Variants in CSMD2 observed in about 807,000 individuals in gnomAD.
CSMD2 encodes the protein CUB and sushi domain-containing protein 2.
CSMD2 carries 130 observed loss-of-function variants against 398.5 expected under a neutral mutation model. The ratio of observed to expected loss-of-function variants is 0.33; its 90% CI spans 0.28 to 0.38. CSMD2 has a LOEUF of 0.38. Ranked by LOEUF, CSMD2 falls within the 10% of genes least tolerant of loss-of-function variation. The pLI, the probability that CSMD2 is intolerant of heterozygous loss-of-function variation, is 1.00. For missense variants in CSMD2, 3,829 were observed against 4,764.9 expected, an observed-to-expected ratio of 0.80 and a Z score of 5.78; for synonymous variants, 1,828 against 1,908.5, an observed-to-expected ratio of 0.96 and a Z score of 1.10.
Position 34,089,021 on chromosome 1 carries a change from C to G in CSMD2, c.360G>C (p.Leu120=). Residue 120 remains leucine, a synonymous_variant, in exon 2 of 71, where the codon CTG becomes CTC. Coordinates refer to ENST00000373381, the MANE Select transcript of CSMD2 (RefSeq NM_001281956.2). ...GCTGGGGTGGACCATCAAACACCGACAGGACATCAAAGTCCTCTTCCAGGG... is the reference window on the plus strand; with the variant it reads ...GCTGGGGTGGACCATCAAACACCGAGAGGACATCAAAGTCCTCTTCCAGGG... ...SFALEEDFDV[L]SVFDGPPQPE... The G allele has an allele frequency of 1.2e-6, 2 of 1,614,160 alleles. No individual in the cohort carries two copies. Among genetic ancestry groups the G allele is most frequent in the Non-Finnish European group, 1.7e-6 (2 of 1,180,040 alleles).
intron 15 of CSMD2, among the ~76,000 whole-genome samples, chr1:33,733,955 G>C (rs1452763933): frequency 6.6e-6 from 1 of 152,194 alleles, no homozygotes; most frequent in Admixed American, 6.5e-5. Flanking sequence ...TACCAGCTGG[G>C]TGATTTTGGG....
chr1:34,160,829 GACA>G (rs1641262153), intron 1 of CSMD2, among the ~76,000 whole-genome samples: 1 of 152,160 alleles, frequency 6.6e-6, no homozygotes, highest in Non-Finnish European at 1.5e-5. Context: ...CAAGCACTCA[GACA>G]ACATACAAAG....
chr1:33,791,880 T>C (rs543762199), intron 11 of CSMD2, among the ~76,000 whole-genome samples: 1 of 152,326 alleles, frequency 6.6e-6, no homozygotes, highest in African/African-American at 2.4e-5. Flanking sequence ...CAGAATCCCA[T>C]GACAGCTTGA....
At chr1:33,554,021 C>T (rs1217424190) in intron 55 of CSMD2, among the ~76,000 whole-genome samples, 1 of 151,864 alleles carries the variant, frequency 6.6e-6, no homozygotes, top group Non-Finnish European at 1.5e-5. Flanking sequence ...CAGAGGTTGG[C>T]TTATGACGTT....
intron 25 of CSMD2, among the ~76,000 whole-genome samples, chr1:33,677,339 A>T (rs1644751791): frequency 6.6e-6 from 1 of 152,246 alleles, no homozygotes; most frequent in South Asian, 2.1e-4. Flanking sequence ...ACATTTATGC[A>T]GTCAAAAAAC....
chr1:34,119,902 A>T (rs143754276), intron 1 of CSMD2, among the ~76,000 whole-genome samples: 224 of 152,362 alleles, frequency 1.5e-3, no homozygotes, highest in Admixed American at 4.0e-3. Context: ...ATCTGATTCA[A>T]CAACCTATTT....
At chr1:34,039,751 T>A (rs1651615190) in intron 2 of CSMD2, among the ~76,000 whole-genome samples, 1 of 152,176 alleles carries the variant, frequency 6.6e-6, no homozygotes, top group Non-Finnish European at 1.5e-5. Flanking sequence ...TTGCCTAGTT[T>A]GAATAATTTC....
At chr1:34,137,763 A>G (rs1437219865) in intron 1 of CSMD2, among the ~76,000 whole-genome samples, 2 of 152,354 alleles carry the variant, frequency 1.3e-5, no homozygotes, top group East Asian at 3.9e-4. Context: ...CTAATACAAG[A>G]CAGGGACTTG....
chr1:33,935,162 G>A (rs1379209473), intron 4 of CSMD2, among the ~76,000 whole-genome samples: 10 of 152,106 alleles, frequency 6.6e-5, no homozygotes, highest in Admixed American at 6.5e-4. Context: ...TCCAGGATGC[G>A]GAACTTTCAG....
intron 5 of CSMD2, among the ~76,000 whole-genome samples, chr1:33,851,363 T>G (rs939887045): frequency 2.0e-5 from 3 of 152,208 alleles, no homozygotes; most frequent in Non-Finnish European, 4.4e-5. Flanking sequence ...AAGTAAGCTA[T>G]GTGCATGGCC....
chr1:33,632,080 T>C (rs958294380), intron 32 of CSMD2, among the ~76,000 whole-genome samples: 2 of 152,074 alleles, frequency 1.3e-5, no homozygotes, highest in Non-Finnish European at 2.9e-5. Context: ...ATTTTGAAAA[T>C]TCTGCTAGGA....
At position 33,843,474 on chromosome 1, in the gene CSMD2, A is replaced by G. The variant is rs6680460; in HGVS notation, c.1033+3410T>C. On this transcript the variant is annotated intron_variant, in intron 6 of 70. Coordinates refer to ENST00000373381, the MANE Select transcript of CSMD2 (RefSeq NM_001281956.2). ...TAGAAGTTGGTAATCATTAGCTCTG[A>G]AGTGCCATAAATCACTTAAGACTAT... is the stretch of plus-strand genomic sequence containing the variant. Among the ~76,000 whole-genome samples, 354 of 152,340 alleles carry G rather than the reference A, an allele frequency of 2.3e-3. 3 individuals are homozygous for G. Among genetic ancestry groups the G allele is most frequent in the African/African-American group, 7.8e-3 (324 of 41,584 alleles).
intron 27 of CSMD2, among the ~76,000 whole-genome samples, chr1:33,654,829 G>T (rs1643900257): frequency 6.6e-6 from 1 of 152,206 alleles, no homozygotes; most frequent in African/African-American, 2.4e-5. Context: ...CCAGCTCAGG[G>T]GCTTCTTCCC....
At chr1:34,017,056 T>C (rs771955462) in intron 3 of CSMD2, among the ~76,000 whole-genome samples, 7 of 152,228 alleles carry the variant, frequency 4.6e-5, no homozygotes, top group Non-Finnish European at 8.8e-5. Flanking sequence ...CAATAGAATG[T>C]CAACTTTGAT....
intron 26 of CSMD2, among the ~76,000 whole-genome samples, chr1:33,662,138 G>C (rs1644157585): frequency 6.6e-6 from 1 of 152,166 alleles, no homozygotes; most frequent in Non-Finnish European, 1.5e-5. Flanking sequence ...TTGGATGTTT[G>C]AGCATTGGCC....
chr1:33,729,530 G>T (rs1289626377), intron 15 of CSMD2, among the ~76,000 whole-genome samples: 1 of 147,056 alleles, frequency 6.8e-6, no homozygotes, highest in East Asian at 2.0e-4. Flanking sequence ...TGCACAATGT[G>T]CAGGTTAGTT....
intron 27 of CSMD2, among the ~76,000 whole-genome samples, chr1:33,655,018 C>T (rs1643905459): frequency 6.6e-6 from 1 of 152,274 alleles, no homozygotes; most frequent in Non-Finnish European, 1.5e-5. Context: ...GCCAGTTGTG[C>T]CCCAAGGCCT....
At position 33,550,170 on chromosome 1, in the gene CSMD2, A is replaced by G. The variant is rs376035221; in HGVS notation, c.8917+7T>C. 10 of 1,612,534 alleles carry G rather than the reference A, an allele frequency of 6.2e-6. No individual in the cohort carries two copies. Among genetic ancestry groups the G allele is most frequent in the South Asian group, 1.1e-5 (1 of 90,934 alleles). ...TGGAGCTCTTTCCTCAATGCCATGC[A>G]CCATACCTGAGCAGTGAGGGAGGGA... On this transcript the variant is annotated splice_region_variant and intron_variant, in intron 56 of 70. Transcript: ENST00000373381.
chr1:33,837,329 A>C (rs1434015030), intron 6 of CSMD2, among the ~76,000 whole-genome samples: 2 of 152,224 alleles, frequency 1.3e-5, no homozygotes, highest in African/African-American at 4.8e-5. Context: ...CAAGAAGATG[A>C]ACAACATAGA....
Sources: allele counts gnomAD v4.1 joint callset (sites outside exome capture counted in the v4.1 genomes callset), GRCh38; gene constraint gnomAD v4.1.1; transcripts MANE v1.5; gene names NCBI Gene and HGNC (gene_info 2026-07-23, HGNC 2026-07-21).